SLC22A9: variants seen among roughly 807,000 people sequenced by gnomAD.
SLC22A9 encodes the protein organic anion transporter 7.
Under a neutral mutation model 50.1 loss-of-function variants are expected in SLC22A9, and 64 were observed. The observed-to-expected ratio is 1.28, with a 90% CI of 1.04 to 1.57. SLC22A9 has a LOEUF of 1.57. Among genes scored for constraint, SLC22A9 ranks in the 40% most tolerant of loss-of-function variants. The probability of loss-of-function intolerance (pLI) is 0.00; values close to 1 mark genes in which losing one functional copy is unlikely to be tolerated. For synonymous variants in SLC22A9, 261 were observed against 242.5 expected (o/e 1.08, Z -0.71); for missense variants, 757 against 676.1 (o/e 1.12, Z -1.33).
intron 5 of SLC22A9, among the ~76,000 whole-genome samples, chr11:63,380,280 G>A (rs758704552): frequency 6.6e-6 from 1 of 152,156 alleles, no homozygotes; most frequent in Non-Finnish European, 1.5e-5. Context: ...GCAGTGTGGA[G>A]ATTTCTCAAA....
chr11:63,395,908 C>T (rs2014847059), intron 6 of SLC22A9, among the ~76,000 whole-genome samples: 1 of 152,040 alleles, frequency 6.6e-6, no homozygotes, highest in Non-Finnish European at 1.5e-5. Context: ...GGGTGAGGTT[C>T]CCAGGTCAAA....
intron 6 of SLC22A9, among the ~76,000 whole-genome samples, chr11:63,392,010 C>T (rs1378955967): frequency 5.3e-5 from 8 of 151,902 alleles, no homozygotes; most frequent in Non-Finnish European, 1.2e-4. Context: ...TACCATGAGG[C>T]TTGCAAATAA....
intron 6 of SLC22A9, among the ~76,000 whole-genome samples, chr11:63,401,803 C>T (rs1161839716): frequency 1.3e-5 from 2 of 152,094 alleles, no homozygotes; most frequent in Non-Finnish European, 2.9e-5. Flanking sequence ...GCCATTCTGA[C>T]TGGTGTAAGA....
At chr11:63,389,890 G>A (rs751556898) in intron 6 of SLC22A9, among the ~76,000 whole-genome samples, 3 of 152,138 alleles carry the variant, frequency 2.0e-5, no homozygotes, top group East Asian at 3.9e-4. Context: ...GGCATGAGAT[G>A]GTATCTCATT....
At chr11:63,404,664 A>G (rs1425390797) in intron 6 of SLC22A9, among the ~76,000 whole-genome samples, 1 of 152,148 alleles carries the variant, frequency 6.6e-6, no homozygotes, top group Non-Finnish European at 1.5e-5. Context: ...TTCACGCAAT[A>G]CTTTTCCTTC....
intron 4 of SLC22A9, among the ~76,000 whole-genome samples, chr11:63,374,774 TTAA>T (rs1239449164): frequency 1.3e-5 from 2 of 152,176 alleles, no homozygotes; most frequent in African/African-American, 4.8e-5. Context: ...ATTTTTTTTC[TTAA>T]TTATTATAGG....
intron 6 of SLC22A9, among the ~76,000 whole-genome samples, chr11:63,398,121 G>C (rs190079389): frequency 6.6e-6 from 1 of 152,136 alleles, no homozygotes; most frequent in Non-Finnish European, 1.5e-5. Context: ...TCAGGCCTGC[G>C]TCCTTCCCTT....
At chr11:63,402,203 G>A (rs575733796) in intron 6 of SLC22A9, among the ~76,000 whole-genome samples, 21 of 152,104 alleles carry the variant, frequency 1.4e-4, no homozygotes, top group South Asian at 2.1e-4. Flanking sequence ...GATGTTCAGC[G>A]TGGTATTTCC....
chr11:63,407,183 T>C (rs1351148976), intron 7 of SLC22A9, among the ~76,000 whole-genome samples: 1 of 152,176 alleles, frequency 6.6e-6, no homozygotes, highest in Non-Finnish European at 1.5e-5. Flanking sequence ...TTGGTCACCA[T>C]AACTGCAATC....
At chr11:63,382,314 A>G in intron 6 of SLC22A9, 37 bp downstream of exon 6, 1 of 1,439,928 alleles carries the variant, frequency 6.9e-7, no homozygotes, top group Non-Finnish European at 9.5e-7. Flanking sequence ...AAGTTACAGT[A>G]CTGGAGACAT....
intron 6 of SLC22A9, among the ~76,000 whole-genome samples, chr11:63,385,115 T>TTTTGTTGTTGTTGTTG (rs2014640915): frequency 7.2e-6 from 1 of 139,312 alleles, no homozygotes; most frequent in African/African-American, 2.5e-5. Context: ...AGTTTTTTTT[T>TTTTGTTGTTGTTGTTG]TTTTTTTTTT....
At chr11:63,405,316 G>A (rs144117673) in intron 6 of SLC22A9, among the ~76,000 whole-genome samples, 11 of 152,190 alleles carry the variant, frequency 7.2e-5, no homozygotes, top group African/African-American at 2.4e-4. Flanking sequence ...TCTGGTTTGA[G>A]CAATTTGGAA....
intron 6 of SLC22A9, among the ~76,000 whole-genome samples, chr11:63,388,409 T>A (rs934520710): frequency 6.6e-6 from 1 of 152,076 alleles, no homozygotes; most frequent in African/African-American, 2.4e-5. Context: ...ATCATATGCT[T>A]TTTCAGCATC....
intron 5 of SLC22A9, among the ~76,000 whole-genome samples, chr11:63,379,355 C>T (rs1034042398): frequency 6.6e-6 from 1 of 152,076 alleles, no homozygotes. Flanking sequence ...TCACCATATA[C>T]AAAACTCAAG....
At chr11:63,375,569 G>A in intron 4 of SLC22A9, 76 bp from the exon 5 acceptor site, 1 of 1,554,774 alleles carries the variant, frequency 6.4e-7, no homozygotes, top group Non-Finnish European at 8.7e-7. Context: ...GGAGGGAGAA[G>A]ACATCTTAAG....
At chr11:63,376,318 T>C (rs549458964) in intron 5 of SLC22A9, among the ~76,000 whole-genome samples, 32 of 152,264 alleles carry the variant, frequency 2.1e-4, no homozygotes, top group Middle Eastern at 3.4e-3. Context: ...TCATTATACT[T>C]ACTTACTATA....
At chr11:63,376,361 G>A (rs1266575551) in intron 5 of SLC22A9, among the ~76,000 whole-genome samples, 1 of 152,100 alleles carries the variant, frequency 6.6e-6, no homozygotes, top group Non-Finnish European at 1.5e-5. Flanking sequence ...GGAAATGCCT[G>A]TGAGAAGTCT....
chr11:63,409,768 T>C lies in SLC22A9; in HGVS notation c.1602-34T>C, dbSNP rs528747214. ...TTTAGTCCATGTCTTTTCATTTTTGTGATTTTTTGTTGGTTTCTTTGTATT... is the reference window on the plus strand; with the variant it reads ...TTTAGTCCATGTCTTTTCATTTTTGCGATTTTTTGTTGGTTTCTTTGTATT... On this transcript the variant is annotated intron_variant, in intron 9 of 9. Transcript: ENST00000279178. The C allele has an allele frequency of 1.7e-3, 2,525 of 1,529,030 alleles. 4 individuals are homozygous for C. Among genetic ancestry groups the C allele is most frequent in the Non-Finnish European group, 2.0e-3 (2,273 of 1,129,194 alleles). The allele number at this position is 1,529,030 out of a possible 1,614,324, so 94.7% of individuals were successfully genotyped here.
chr11:63,395,626 G>C (rs2014840401), intron 6 of SLC22A9, among the ~76,000 whole-genome samples: 1 of 152,154 alleles, frequency 6.6e-6, no homozygotes, highest in Non-Finnish European at 1.5e-5. Flanking sequence ...GGTGGCTAGT[G>C]GGTGAAATTG....
Sources: allele counts gnomAD v4.1 joint callset (sites outside exome capture counted in the v4.1 genomes callset), GRCh38; gene constraint gnomAD v4.1.1; transcripts MANE v1.5; gene names NCBI Gene and HGNC (gene_info 2026-07-23, HGNC 2026-07-21).